Variants in MYO5B observed in about 807,000 individuals in gnomAD.
MYO5B encodes the protein unconventional myosin-Vb.
Under a neutral mutation model 229.3 loss-of-function variants are expected in MYO5B, and 143 were observed. The ratio of observed to expected loss-of-function variants is 0.62; its 90% CI spans 0.54 to 0.72. The LOEUF (loss-of-function observed/expected upper bound fraction) is 0.72, where lower values mean the gene tolerates loss of function less well. Among genes scored for constraint, MYO5B ranks in the 30% least tolerant of loss-of-function variants. MYO5B has a pLI of 0.00. For synonymous variants in MYO5B, 918 were observed against 885.2 expected (o/e 1.04, Z -0.66); for missense variants, 2,321 against 2,331.0 (o/e 1.00, Z 0.09).
chr18:50,082,572 A>G (rs2031243891), intron 1 of MYO5B, among the ~76,000 whole-genome samples: 1 of 152,252 alleles, frequency 6.6e-6, no homozygotes, highest in African/African-American at 2.4e-5. Context: ...TCATCAACAT[A>G]CTGTGAGACC....
intron 1 of MYO5B, among the ~76,000 whole-genome samples, chr18:50,108,367 T>A (rs1368571787): frequency 6.6e-6 from 1 of 152,266 alleles, no homozygotes; most frequent in African/African-American, 2.4e-5. Context: ...AAGTGAGATA[T>A]GTTCATGTCC....
rs749312874 is a variant in MYO5B, at chr18:49,906,647, G to T, written c.2203-17C>A. 6.2e-6 allele frequency: 10 copies of T among 1,607,294 alleles called. No individual in the cohort carries two copies. Among genetic ancestry groups the T allele is most frequent in the Non-Finnish European group, 8.5e-6 (10 of 1,174,114 alleles). ...GTCGGGGTCCTTTACAAGGTAGGGA[G>T]GGGATCTGGTTGGTCACCAGTGAGC... On this transcript the variant is annotated splice_polypyrimidine_tract_variant and intron_variant, in intron 18 of 39. Coordinates refer to ENST00000285039, the MANE Select transcript of MYO5B (RefSeq NM_001080467.3).
At chr18:49,894,814 C>CA (rs1488337909) in intron 22 of MYO5B, 127 bp downstream of exon 22, 17 of 794,930 alleles carry the variant, frequency 2.1e-5, no homozygotes, top group Non-Finnish European at 3.0e-5. Context: ...GATGAATGGT[C>CA]AGTCTGTGCA....
At chr18:49,900,802 T>C (rs1207948020) in intron 21 of MYO5B, among the ~76,000 whole-genome samples, 1 of 152,134 alleles carries the variant, frequency 6.6e-6, no homozygotes, top group South Asian at 2.1e-4. Flanking sequence ...ACACCCTGCA[T>C]GGACAAAGTA....
intron 34 of MYO5B, among the ~76,000 whole-genome samples, chr18:49,842,670 T>C (rs1332316293): frequency 6.6e-6 from 1 of 152,200 alleles, no homozygotes; most frequent in African/African-American, 2.4e-5. Context: ...GTTTCTGCAG[T>C]GGCTGCACTA....
intron 1 of MYO5B, among the ~76,000 whole-genome samples, chr18:50,123,125 T>C (rs2032098470): frequency 6.6e-6 from 1 of 152,252 alleles, no homozygotes; most frequent in African/African-American, 2.4e-5. Flanking sequence ...GACTATGTTC[T>C]CATACAGCCT....
chr18:50,193,717 G>A (rs574062947), intron 1 of MYO5B, among the ~76,000 whole-genome samples: 2 of 152,362 alleles, frequency 1.3e-5, no homozygotes, highest in Non-Finnish European at 2.9e-5. Context: ...CCAAGAAGAC[G>A]AACAGGAAAA....
intron 23 of MYO5B, among the ~76,000 whole-genome samples, 183 bp downstream of exon 23, chr18:49,880,188 C>T (rs2024571085): frequency 6.6e-6 from 1 of 152,218 alleles, no homozygotes; most frequent in Admixed American, 6.5e-5. Context: ...CACCTCTTTA[C>T]ACTCTTGAGG....
intron 2 of MYO5B, among the ~76,000 whole-genome samples, chr18:50,044,658 C>T (rs900030977): frequency 6.6e-6 from 1 of 152,096 alleles, no homozygotes; most frequent in Non-Finnish European, 1.5e-5. Context: ...CCCCGAGCCC[C>T]ATGTGGCTAT....
intron 31 of MYO5B, chr18:49,850,728 C>T (rs1454554045): frequency 1.3e-5 from 2 of 152,208 alleles, no homozygotes; most frequent in South Asian, 2.1e-4. Context: ...ACTCAGACTC[C>T]GTCTCCCCTG....
At chr18:50,124,091 C>T (rs973772348) in intron 1 of MYO5B, among the ~76,000 whole-genome samples, 1 of 152,172 alleles carries the variant, frequency 6.6e-6, no homozygotes, top group African/African-American at 2.4e-5. Context: ...AAATTCTCAT[C>T]TAAAAATTCA....
intron 17 of MYO5B, among the ~76,000 whole-genome samples, chr18:49,914,842 G>A (rs1278159202): frequency 6.6e-6 from 1 of 151,816 alleles, no homozygotes; most frequent in African/African-American, 2.4e-5. Flanking sequence ...ATCACATACA[G>A]CTTTGGATTC....
At chr18:49,835,243 C>T (rs1431533944) in intron 39 of MYO5B, 101 bp downstream of exon 39, 5 of 836,062 alleles carry the variant, frequency 6.0e-6, no homozygotes, top group African/African-American at 5.1e-5. Context: ...TATATGTAAC[C>T]AGTATTTTAG....
intron 17 of MYO5B, among the ~76,000 whole-genome samples, chr18:49,912,736 G>A (rs564171252): frequency 6.6e-6 from 1 of 152,284 alleles, no homozygotes; most frequent in East Asian, 1.9e-4. Context: ...GGAACTGTGA[G>A]TCCATTAAAG....
intron 36 of MYO5B, 83 bp from the exon 37 acceptor site, chr18:49,837,885 G>C: frequency 6.5e-7 from 1 of 1,533,046 alleles, no homozygotes. Flanking sequence ...TTAGTGCTCC[G>C]GGCTTTAGCA....
At chr18:50,070,403 C>T (rs531415831) in intron 1 of MYO5B, among the ~76,000 whole-genome samples, 1 of 152,176 alleles carries the variant, frequency 6.6e-6, no homozygotes, top group African/African-American at 2.4e-5. Context: ...GCTTCTAGAG[C>T]AGTTCTCATC....
intron 5 of MYO5B, among the ~76,000 whole-genome samples, chr18:49,997,183 G>T (rs1044735237): frequency 6.7e-6 from 1 of 148,878 alleles, no homozygotes; most frequent in East Asian, 2.0e-4. Flanking sequence ...TAGGAGAATC[G>T]CTGGAGCCCA....
At chr18:50,156,747 T>G (rs1274074403) in intron 1 of MYO5B, among the ~76,000 whole-genome samples, 7 of 152,326 alleles carry the variant, frequency 4.6e-5, no homozygotes, top group African/African-American at 1.7e-4. Flanking sequence ...AGGAAAGAAT[T>G]TTAACAGTGT....
In MYO5B at chr18:49,902,811, G is replaced by A. The variant is rs775815528; in HGVS notation, c.2594C>T (p.Thr865Ile). Residue 865 changes from threonine to isoleucine, a missense_variant, in exon 21 of 40, where the codon ACC (threonine) becomes ATC (isoleucine). This residue lies in a region of MYO5B where 2,113 missense variants were observed against 2,044.7 expected (regional missense o/e 1.03). Coordinates refer to ENST00000285039, the MANE Select transcript of MYO5B (RefSeq NM_001080467.3). ...YRQVLMEHKA[T>I]TIQKHVRGWM... ...GCCCCGCACGTGCTTCTGGATGGTGGTGGCCTTGTGCTCCATGAGGACCTG... is the reference window on the plus strand; with the variant it reads ...GCCCCGCACGTGCTTCTGGATGGTGATGGCCTTGTGCTCCATGAGGACCTG... 1.4e-5 allele frequency: 22 copies of A among 1,600,998 alleles called. No homozygotes were observed. In the Admixed American group the frequency reaches 1.7e-4, roughly 12 times the overall value.
Sources: allele counts gnomAD v4.1 joint callset (sites outside exome capture counted in the v4.1 genomes callset), GRCh38; gene constraint gnomAD v4.1.1; regional missense constraint gnomAD v4.1.1; transcripts MANE v1.5; gene names NCBI Gene and HGNC (gene_info 2026-07-23, HGNC 2026-07-21).